MEFV: variants seen among roughly 807,000 people sequenced by gnomAD.
MEFV encodes the protein pyrin.
A neutral mutation model predicts 62.5 loss-of-function variants in MEFV; 60 were observed. The ratio of observed to expected loss-of-function variants is 0.96; its 90% CI spans 0.78 to 1.19. MEFV has a LOEUF of 1.19. Ranked by LOEUF, MEFV falls within the 50% of genes most tolerant of loss-of-function variation. The probability of loss-of-function intolerance (pLI) is 0.00; values close to 1 mark genes in which losing one functional copy is unlikely to be tolerated. For synonymous variants in MEFV, 500 were observed against 415.2 expected (o/e 1.20, Z -2.48); for missense variants, 1,169 against 1,004.5 (o/e 1.16, Z -2.21).
intron 7 of MEFV, 27 bp downstream of exon 7, chr16:3,244,446 C>T (rs772708762): frequency 4.8e-5 from 77 of 1,597,510 alleles, no homozygotes; most frequent in Non-Finnish European, 2.6e-5. Flanking sequence ...GAGCATGCAC[C>T]TCCAATCTTC....
At chr16:3,246,597 G>C (rs748124481) in intron 5 of MEFV, 50 bp from the exon 6 acceptor site, 1 of 1,610,720 alleles carries the variant, frequency 6.2e-7, no homozygotes, top group Non-Finnish European at 8.5e-7. Context: ...CTAGTGGCTG[G>C]GCTGACTCCT....
At position 3,246,536 on chromosome 16, in the gene MEFV, G is replaced by A. The variant is rs1391647819; in HGVS notation, c.1599C>T (p.Asp533=). ...GGACCTCGCTGTACCTGTGCAAGAT[G>A]TCTCCAATGTCCTAGGAGAAAAAAG... ...SEWELLQDIG[D]ILHRAKTVPV... Residue 533 remains aspartate (D), a synonymous_variant, in exon 6 of 10, where the codon GAC becomes GAT. Coordinates refer to ENST00000219596, the MANE Select transcript of MEFV (RefSeq NM_000243.3). 3 of 1,614,098 alleles carry A rather than the reference G, an allele frequency of 1.9e-6. No individual in the cohort carries two copies. The highest frequency in any genetic ancestry group is 1.7e-5 in the Admixed American group (1 of 60,018).
Position 3,249,566 on chromosome 16 carries a change from ACACTGTGG to A in MEFV, c.1117_1124del (p.Pro373Ter). ...GCTGGACCTGCTTCAGGTGGCGCTT[ACACTGTGG>A]CAGGGGCTGGGGGCTTAGGCTTCCC... On this transcript the variant is annotated frameshift_variant, in exon 3 of 10. Transcript: ENST00000219596. LOFTEE classifies it high-confidence loss of function. The A allele has an allele frequency of 6.2e-7, 1 of 1,614,234 alleles. No individual in the cohort carries two copies. The highest frequency in any genetic ancestry group is 8.5e-7 in the Non-Finnish European group (1 of 1,180,044).
chr16:3,248,981 C>A lies in MEFV; in HGVS notation c.1284G>T (p.Glu428Asp), dbSNP rs1489656593. ...CTGATTTTCTCAGCTTCTTCAGATG[C>A]TCCAGCTGCTTCTGAATTTTCTTCT... ...EHKKKIQKQL[E>D]HLKKLRKSGE... The change falls in exon 4 of 10, where the codon GAG becomes GAT. Residue 428 changes from glutamate (E) to aspartate (D), a missense_variant. Physicochemically the swap from Glu to Asp is conservative, Grantham distance 45. Coordinates refer to ENST00000219596, the MANE Select transcript of MEFV (RefSeq NM_000243.3). 1.2e-6 allele frequency: 2 copies of A among 1,614,132 alleles called. No homozygotes were observed. The highest frequency in any genetic ancestry group is 1.7e-6 in the Non-Finnish European group (2 of 1,180,054).
rs104895170 is a variant in MEFV, at chr16:3,249,602, G to T, written c.1089C>A (p.Ser363Arg). 3.7e-6 allele frequency: 6 copies of T among 1,614,024 alleles called. No individual in the cohort carries two copies. Among genetic ancestry groups the T allele is most frequent in the Admixed American group, 1.7e-5 (1 of 60,000 alleles). ...GGGGCTGGGGGCTTAGGCTTCCCGGGCTCTTCCTTTCATGGGAGTCCTGGC... is the reference window on the plus strand; with the variant it reads ...GGGGCTGGGGGCTTAGGCTTCCCGGTCTCTTCCTTTCATGGGAGTCCTGGC... The part of the protein sequence containing the change: ...PRCQDSHERK[S>R]PGSLSPQPLP... The change falls in exon 3 of 10, where the codon AGC (serine) becomes AGA (arginine). Residue 363 changes from serine to arginine, a missense_variant. Coordinates refer to ENST00000219596, the MANE Select transcript of MEFV (RefSeq NM_000243.3).
intron 6 of MEFV, among the ~76,000 whole-genome samples, chr16:3,245,358 A>G (rs1958925494): frequency 6.6e-6 from 1 of 151,580 alleles, no homozygotes; most frequent in African/African-American, 2.4e-5. Flanking sequence ...GGAAAGAGAA[A>G]TGGCTGGGCA....
At chr16:3,253,989 A>G (rs996521769) in intron 2 of MEFV, among the ~76,000 whole-genome samples, 169 bp downstream of exon 2, 1 of 151,978 alleles carries the variant, frequency 6.6e-6, no homozygotes, top group Non-Finnish European at 1.5e-5. Flanking sequence ...TCGTTTATAG[A>G]GATGGCGGGG....
rs1596349574 is a variant in MEFV, at chr16:3,242,942, A to G, written c.*199T>C. The G allele has an allele frequency of 1.6e-6, 1 of 641,488 alleles. No homozygotes were observed. The highest frequency in any genetic ancestry group is 1.8e-5 in the African/African-American group (1 of 55,626). The allele number at this position is 641,488 out of a possible 1,614,324, so 39.7% of individuals were successfully genotyped here. ...GAAATCCATGGTGTGTCATCAGTACATGTCTTCACCCGGATTGACTAACAT... is the reference window on the plus strand; with the variant it reads ...GAAATCCATGGTGTGTCATCAGTACGTGTCTTCACCCGGATTGACTAACAT... On this transcript the variant is annotated 3_prime_UTR_variant, in exon 10 of 10. Coordinates refer to ENST00000219596, the MANE Select transcript of MEFV (RefSeq NM_000243.3).
At chr16:3,250,195 C>A (rs1959011962) in intron 2 of MEFV, among the ~76,000 whole-genome samples, 1 of 152,212 alleles carries the variant, frequency 6.6e-6, no homozygotes, top group Non-Finnish European at 1.5e-5. Context: ...GTGTACCTCG[C>A]TCCTAGCTGG....
chr16:3,249,398 G>C, intron 3 of MEFV, 33 bp downstream of exon 3: 1 of 1,583,626 alleles, frequency 6.3e-7, no homozygotes. Context: ...CAAGTGCCTG[G>C]CAGAGAAGAG....
rs1388990716 is a variant in MEFV, at chr16:3,246,610, C to T, written c.1588-63G>A. 1.6e-5 allele frequency: 26 copies of T among 1,599,134 alleles called. No homozygotes were observed. The South Asian group carries it at 2.3e-4, about 14-fold the overall frequency. On this transcript the variant is annotated intron_variant, in intron 5 of 9. Coordinates refer to ENST00000219596, the MANE Select transcript of MEFV (RefSeq NM_000243.3). The stretch of plus-strand genomic sequence containing the variant: ...TCCTAGTGGCTGGGCTGACTCCTGG[C>T]CTCTACTTCTGGGCTCCTGGACTTT...
chr16:3,248,920 C>G lies in MEFV; in HGVS notation c.1345G>C (p.Val449Leu), dbSNP rs1958987121. The G allele has an allele frequency of 1.9e-6, 3 of 1,614,148 alleles. No individual in the cohort carries two copies. The East Asian group carries it at 6.7e-5, about 36-fold the overall frequency. Reference sequence around the variant, plus strand: ...ACCTCTGACCTTACCAGAAAGCTCACTGCCTTCTCCTCCCCATAGGATCGC... The same window carrying G: ...ACCTCTGACCTTACCAGAAAGCTCAGTGCCTTCTCCTCCCCATAGGATCGC... Reference protein sequence around the residue: ...EQRSYGEEKAVSFLKQTEALK... With the variant: ...EQRSYGEEKALSFLKQTEALK... The change falls in exon 4 of 10, where the codon GTG (valine) becomes CTG (leucine). Residue 449 changes from valine to leucine, a missense_variant. Transcript: ENST00000219596.
In MEFV at chr16:3,246,542, A is replaced by G; in HGVS notation, c.1593T>C (p.Ile531=). 6.8e-6 allele frequency: 11 copies of G among 1,614,068 alleles called. No homozygotes were observed. Among genetic ancestry groups the G allele is most frequent in the Non-Finnish European group, 9.3e-6 (11 of 1,179,992 alleles). ...CGCTGTACCTGTGCAAGATGTCTCC[A>G]ATGTCCTAGGAGAAAAAAGAAGGAA... ...CQSEWELLQD[I]GDILHRAKTV... Residue 531 remains isoleucine, a synonymous_variant, in exon 6 of 10, where the codon ATT becomes ATC. Coordinates refer to ENST00000219596, the MANE Select transcript of MEFV (RefSeq NM_000243.3).
chr16:3,252,467 G>A (rs796872107), intron 2 of MEFV, among the ~76,000 whole-genome samples: 2 of 152,022 alleles, frequency 1.3e-5, no homozygotes, highest in African/African-American at 4.8e-5. Flanking sequence ...TAGAGATGGC[G>A]TTTCACCATG....
In MEFV at chr16:3,243,485, C is replaced by T. The variant is rs774015085; in HGVS notation, c.2002G>A (p.Gly668Arg). ...CTGCTTATGGATGTCTTGCAGGCTC[C>T]CAGGATCCATGCTGTCTTGTCTCCA... The part of the protein sequence containing the change: ...EVGDKTAWIL[G>R]ACKTSISRKG... Residue 668 changes from glycine to arginine, a missense_variant, in exon 10 of 10, where the codon GGA becomes AGA. By Grantham distance (125) the Gly-to-Arg change is moderately radical (BLOSUM62 -2). Transcript: ENST00000219596. The T allele has an allele frequency of 5.0e-6, 8 of 1,614,082 alleles. No individual in the cohort carries two copies. Among genetic ancestry groups the T allele is most frequent in the Non-Finnish European group, 6.8e-6 (8 of 1,180,022 alleles).
intron 4 of MEFV, 53 bp downstream of exon 4, chr16:3,248,856 C>T: frequency 6.2e-6 from 10 of 1,612,200 alleles, no homozygotes; most frequent in African/African-American, 1.3e-5. Flanking sequence ...CCTGCTCACT[C>T]TTCCCACCTT....
intron 6 of MEFV, among the ~76,000 whole-genome samples, chr16:3,245,129 A>C (rs1010368830): frequency 1.3e-5 from 2 of 152,138 alleles, no homozygotes; most frequent in African/African-American, 4.8e-5. Context: ...TCTATTAAAA[A>C]TACAAAAAAG....
In MEFV at chr16:3,254,657, G is replaced by A. The variant is rs1266277814; in HGVS notation, c.411C>T (p.Gly137=). Residue 137 remains glycine (G), a synonymous_variant, in exon 2 of 10, where the codon GGC becomes GGT. Transcript: ENST00000219596. The stretch of plus-strand genomic sequence containing the variant: ...GGCTGCACCGCAGGCTGGCAGCTCC[G>A]CCCCCGTACGGCCGAGGGCCGTTCC... ...NEGNGPRPYG[G]GAASLRCSQP... is the part of the protein sequence containing the mutation. The A allele has an allele frequency of 1.6e-5, 25 of 1,609,628 alleles. No homozygotes were observed. In the East Asian group the frequency reaches 2.0e-4, roughly 13 times the overall value.
Position 3,254,726 on chromosome 16 carries a change from C to A in MEFV, c.342G>T (p.Lys114Asn), listed in dbSNP as rs981883034. The A allele has an allele frequency of 1.2e-6, 2 of 1,612,772 alleles. No individual in the cohort carries two copies. Among genetic ancestry groups the A allele is most frequent in the Non-Finnish European group, 1.7e-6 (2 of 1,180,026 alleles). ...SAASSSLGEN[K>N]PRSLKTPDHP... ...GGTCTGGAGTCTTCAGGCTCCTGGG[C>A]TTGTTCTCCCCCAGGGAGCTGGACG... is the stretch of plus-strand genomic sequence containing the variant. The change falls in exon 2 of 10, where the codon AAG (lysine) becomes AAT (asparagine). Residue 114 changes from lysine (K) to asparagine (N), a missense_variant. Coordinates refer to ENST00000219596, the MANE Select transcript of MEFV (RefSeq NM_000243.3).
Sources: allele counts gnomAD v4.1 joint callset (sites outside exome capture counted in the v4.1 genomes callset), GRCh38; gene constraint gnomAD v4.1.1; transcripts MANE v1.5; gene names NCBI Gene and HGNC (gene_info 2026-07-23, HGNC 2026-07-21).